C3orf33: variants seen among roughly 807,000 people sequenced by gnomAD.
C3orf33 encodes mitochondrial inner membrane subdomain organizer 1, also known as AP-1 activity suppressor.
Under a neutral mutation model 28.7 loss-of-function variants are expected in C3orf33, and 23 were observed. The ratio of observed to expected loss-of-function variants is 0.80; its 90% CI spans 0.58 to 1.13. C3orf33 has a LOEUF of 1.13. Ranked by LOEUF, C3orf33 falls within the 50% of genes most tolerant of loss-of-function variation. C3orf33 has a pLI of 0.00. For synonymous variants in C3orf33, 119 were observed against 120.5 expected, an observed-to-expected ratio of 0.99 and a Z score of 0.08; for missense variants, 327 against 353.4, an observed-to-expected ratio of 0.93 and a Z score of 0.60.
chr3:155,798,939 G>T (rs951772895), intron 2 of C3orf33, among the ~76,000 whole-genome samples: 8 of 151,998 alleles, frequency 5.3e-5, no homozygotes, highest in Non-Finnish European at 8.8e-5. Flanking sequence ...AAAATCTAAC[G>T]ATCTCATTTA....
At chr3:155,804,956 T>C (rs911937064) in intron 1 of C3orf33, among the ~76,000 whole-genome samples, 1 of 152,210 alleles carries the variant, frequency 6.6e-6, no homozygotes, top group Non-Finnish European at 1.5e-5. Flanking sequence ...AAAAGTTCTC[T>C]AGATTTTCCC....
intron 2 of C3orf33, among the ~76,000 whole-genome samples, chr3:155,790,257 T>C (rs986064909): frequency 3.2e-5 from 4 of 124,652 alleles, no homozygotes; most frequent in African/African-American, 9.2e-5. Context: ...GGCCCTTATC[T>C]AACACTATAT....
In C3orf33 at chr3:155,767,589, G is replaced by A; in HGVS notation, c.403C>T (p.Leu135=). 2 of 1,597,952 alleles carry A rather than the reference G, an allele frequency of 1.3e-6. No homozygotes were observed. The highest frequency in any genetic ancestry group is 2.2e-5 in the East Asian group (1 of 44,572). ...ETGKAWLQKE[L]KPSQLLWFQL... Reference sequence around the variant, plus strand: ...AACCATAGTAATTGGGAAGGTTTTAGCTCTTTTTGTAACCATGCCTTCCCA... The same window carrying A: ...AACCATAGTAATTGGGAAGGTTTTAACTCTTTTTGTAACCATGCCTTCCCA... The change falls in exon 4 of 5, where the codon CTA becomes TTA. Residue 135 remains leucine (L), a synonymous_variant. Transcript: ENST00000340171.
intron 2 of C3orf33, among the ~76,000 whole-genome samples, chr3:155,795,594 A>G (rs1307455783): frequency 1.3e-5 from 2 of 152,200 alleles, no homozygotes; most frequent in African/African-American, 4.8e-5. Context: ...AAATTAAACA[A>G]TGTGCTCCTG....
intron 2 of C3orf33, among the ~76,000 whole-genome samples, chr3:155,779,252 C>T (rs1472124626): frequency 6.6e-6 from 1 of 152,122 alleles, no homozygotes; most frequent in Non-Finnish European, 1.5e-5. Flanking sequence ...GACAGATTGT[C>T]CTAAAGCAGG....
At chr3:155,778,365 G>T (rs111589148) in intron 2 of C3orf33, among the ~76,000 whole-genome samples, 1 of 152,124 alleles carries the variant, frequency 6.6e-6, no homozygotes, top group African/African-American at 2.4e-5. Context: ...ATTAATGTGG[G>T]TATGTAGGAA....
chr3:155,771,019 G>GTGTA (rs1477245778), intron 3 of C3orf33, among the ~76,000 whole-genome samples: 1 of 37,078 alleles, frequency 2.7e-5, no homozygotes, highest in Non-Finnish European at 8.7e-5. Flanking sequence ...CTCTGCCACT[G>GTGTA]TGTGTGTGTG....
intron 3 of C3orf33, among the ~76,000 whole-genome samples, chr3:155,769,841 C>T (rs1750528513): frequency 6.6e-6 from 1 of 152,190 alleles, no homozygotes; most frequent in African/African-American, 2.4e-5. Context: ...CAGATAAATC[C>T]ATGGAGTGGA....
intron 2 of C3orf33, among the ~76,000 whole-genome samples, chr3:155,784,725 C>T (rs1333154403): frequency 7.0e-6 from 1 of 143,546 alleles, no homozygotes; most frequent in Non-Finnish European, 1.5e-5. Context: ...GACTCTGTCT[C>T]AAAAAAAATA....
At chr3:155,766,255 C>A (rs758250978) in intron 4 of C3orf33, among the ~76,000 whole-genome samples, 14 of 152,082 alleles carry the variant, frequency 9.2e-5, no homozygotes, top group Non-Finnish European at 2.1e-4. Flanking sequence ...TATCTGATGG[C>A]CCACCAAAAA....
intron 2 of C3orf33, among the ~76,000 whole-genome samples, chr3:155,787,138 C>A (rs1341433459): frequency 6.6e-6 from 1 of 152,104 alleles, no homozygotes; most frequent in East Asian, 1.9e-4. Context: ...AACTATAGAC[C>A]AGTATCTGTC....
chr3:155,787,956 C>G (rs190296868), intron 2 of C3orf33, among the ~76,000 whole-genome samples: 1 of 152,048 alleles, frequency 6.6e-6, no homozygotes, highest in Admixed American at 6.5e-5. Flanking sequence ...CTTTGGGAGG[C>G]CGAGGCGGGC....
At chr3:155,790,534 C>G (rs1407734461) in intron 2 of C3orf33, among the ~76,000 whole-genome samples, 1 of 152,152 alleles carries the variant, frequency 6.6e-6, no homozygotes, top group Admixed American at 6.5e-5. Context: ...AACCAAAAAT[C>G]AGGTGAGCAA....
chr3:155,778,260 AC>A (rs1435074780), intron 2 of C3orf33, among the ~76,000 whole-genome samples: 5 of 152,290 alleles, frequency 3.3e-5, no homozygotes, highest in Admixed American at 3.3e-4. Context: ...TGGGAAAAAA[AC>A]AATAAAGGAC....
At chr3:155,782,132 C>T (rs1559993481) in intron 2 of C3orf33, among the ~76,000 whole-genome samples, 4 of 149,026 alleles carry the variant, frequency 2.7e-5, no homozygotes. Context: ...CATGCCAATG[C>T]ACTCCAGCCT....
At chr3:155,783,351 C>T (rs577216510) in intron 2 of C3orf33, among the ~76,000 whole-genome samples, 10 of 152,172 alleles carry the variant, frequency 6.6e-5, no homozygotes, top group East Asian at 3.9e-4. Context: ...GACACGTTTT[C>T]GCCATGTTGG....
chr3:155,800,384 G>A (rs1324390089), intron 2 of C3orf33, among the ~76,000 whole-genome samples: 1 of 151,950 alleles, frequency 6.6e-6, no homozygotes, highest in East Asian at 1.9e-4. Context: ...TGGGAGAACT[G>A]CTTGAGGACA....
At chr3:155,778,161 A>AAAAC (rs1750809941) in intron 2 of C3orf33, among the ~76,000 whole-genome samples, 2 of 151,576 alleles carry the variant, frequency 1.3e-5, no homozygotes, top group South Asian at 4.2e-4. Flanking sequence ...AAAAAAAAAA[A>AAAAC]AACAAGTAGG....
intron 3 of C3orf33, among the ~76,000 whole-genome samples, chr3:155,773,926 G>A (rs931095906): frequency 1.3e-5 from 2 of 152,178 alleles, no homozygotes; most frequent in Admixed American, 1.3e-4. Context: ...CATTAAAACT[G>A]TATAAGTTCT....
Sources: allele counts gnomAD v4.1 joint callset (sites outside exome capture counted in the v4.1 genomes callset), GRCh38; gene constraint gnomAD v4.1.1; transcripts MANE v1.5; gene names NCBI Gene and HGNC (gene_info 2026-07-23, HGNC 2026-07-21).